The following SNTB1 variants were observed in gnomAD, a reference collection of about 807,000 sequenced individuals.
SNTB1 encodes syntrophin beta 1.
A neutral mutation model predicts 48.9 loss-of-function variants in SNTB1; 36 were observed. That is an observed-to-expected ratio of 0.74 (90% CI 0.56 to 0.97). The LOEUF (loss-of-function observed/expected upper bound fraction) is 0.97. SNTB1 is among the 50% of genes least tolerant of loss of function. SNTB1 has a pLI of 0.00. For missense variants in SNTB1, 786 were observed against 703.4 expected (o/e 1.12, Z -1.33); for synonymous variants, 299 against 294.6 (o/e 1.01, Z -0.15).
chr8:120,559,585 C>A (rs548976132), intron 4 of SNTB1, among the ~76,000 whole-genome samples: 7 of 152,314 alleles, frequency 4.6e-5, no homozygotes, highest in East Asian at 3.9e-4. Flanking sequence ...TCTCTCTCCA[C>A]TGACTACTGA....
chr8:120,616,933 G>A (rs572156823), intron 3 of SNTB1, among the ~76,000 whole-genome samples: 1 of 152,284 alleles, frequency 6.6e-6, no homozygotes, highest in South Asian at 2.1e-4. Flanking sequence ...GCAGAGCGAG[G>A]CCAGCAGCCT....
chr8:120,763,074 T>C (rs2130072009), intron 1 of SNTB1, among the ~76,000 whole-genome samples: 1 of 152,160 alleles, frequency 6.6e-6, no homozygotes, highest in Admixed American at 6.5e-5. Flanking sequence ...CTCTCACCAC[T>C]ATACTGAACT....
intron 1 of SNTB1, among the ~76,000 whole-genome samples, chr8:120,797,521 T>C (rs907439329): frequency 3.4e-5 from 5 of 146,432 alleles, no homozygotes; most frequent in Non-Finnish European, 7.6e-5. Context: ...CCAGTAAATA[T>C]CATTAACCAA....
At chr8:120,639,904 A>G (rs1817159800) in intron 2 of SNTB1, among the ~76,000 whole-genome samples, 1 of 152,100 alleles carries the variant, frequency 6.6e-6, no homozygotes, top group South Asian at 2.1e-4. Flanking sequence ...GTTTTTTTCA[A>G]TTCTGTGAAG....
chr8:120,562,059 C>G (rs1195608747), intron 4 of SNTB1, among the ~76,000 whole-genome samples: 3 of 152,340 alleles, frequency 2.0e-5, no homozygotes, highest in Non-Finnish European at 4.4e-5. Context: ...GTCCTTAGAG[C>G]TCGATTACTG....
chr8:120,708,137 AAG>A (rs1164092658), intron 1 of SNTB1, among the ~76,000 whole-genome samples: 1 of 151,706 alleles, frequency 6.6e-6, no homozygotes, highest in Non-Finnish European at 1.5e-5. Flanking sequence ...TAAAACATAA[AAG>A]AATACTTTTG....
At chr8:120,578,178 C>T (rs1285585179) in intron 3 of SNTB1, among the ~76,000 whole-genome samples, 1 of 151,370 alleles carries the variant, frequency 6.6e-6, no homozygotes, top group Non-Finnish European at 1.5e-5. Flanking sequence ...GGACTACAGG[C>T]GCCCGCCATC....
chr8:120,584,707 A>G (rs1313501808), intron 3 of SNTB1, among the ~76,000 whole-genome samples: 1 of 152,094 alleles, frequency 6.6e-6, no homozygotes, highest in Non-Finnish European at 1.5e-5. Context: ...GTACCTCAGA[A>G]TGTGACCTGA....
chr8:120,683,854 C>A (rs1204850130), intron 2 of SNTB1, among the ~76,000 whole-genome samples: 1 of 152,108 alleles, frequency 6.6e-6, no homozygotes, highest in Non-Finnish European at 1.5e-5. Flanking sequence ...CTACATTTAC[C>A]CCATAGTTAT....
In SNTB1 at chr8:120,579,177, AAAACAAACAAAC is replaced by A. The variant is rs61054676; in HGVS notation, c.997-3964_997-3953del. ...GGGCAACAGAGCGAGACTCTGTCTC[AAAACAAACAAAC>A]AAACAAACAAACAAACAAACAAACA... is the stretch of plus-strand genomic sequence containing the variant. On this transcript the variant is annotated intron_variant, in intron 3 of 6. Transcript: ENST00000517992. Among the ~76,000 whole-genome samples, 223 of 115,588 alleles carry A rather than the reference AAAACAAACAAAC, an allele frequency of 1.9e-3. 1 individual carries two copies. The highest frequency in any genetic ancestry group is 5.2e-3 in the African/African-American group (181 of 34,488). 75.8% of individuals were successfully genotyped at this position (115,588 alleles called of 152,430 possible).
At chr8:120,752,694 G>T (rs1819241500) in intron 1 of SNTB1, among the ~76,000 whole-genome samples, 1 of 149,100 alleles carries the variant, frequency 6.7e-6, no homozygotes, top group Non-Finnish European at 1.5e-5. Flanking sequence ...AAGTTAATTA[G>T]GATATCCTAA....
chr8:120,740,517 ACAAT>A (rs1819024671), intron 1 of SNTB1, among the ~76,000 whole-genome samples: 1 of 152,194 alleles, frequency 6.6e-6, no homozygotes, highest in African/African-American at 2.4e-5. Context: ...GTTACAGCAA[ACAAT>A]CAACACAACC....
At chr8:120,632,322 G>A (rs2130753553) in intron 3 of SNTB1, 122 bp downstream of exon 3, 2 of 952,322 alleles carry the variant, frequency 2.1e-6, no homozygotes, top group Non-Finnish European at 3.2e-6. Flanking sequence ...GGAGAGGAAT[G>A]AGAAATCCAC....
In SNTB1 at chr8:120,632,461, C is replaced by T. The variant is rs1816999236; in HGVS notation, c.979G>A (p.Gly327Ser). The change falls in exon 3 of 7, where the codon GGC becomes AGC. Residue 327 changes from glycine to serine, a missense_variant. Physicochemically the swap from Gly to Ser is moderately conservative, Grantham distance 56. Coordinates refer to ENST00000517992, the MANE Select transcript of SNTB1 (RefSeq NM_021021.4). Reference protein sequence around the residue: ...IAGSREIRHLGWLAEKVPGES... With the variant: ...IAGSREIRHLSWLAEKVPGES... ...TTCCTTACCTTTTCTGCAAGCCAGC[C>T]AAGATGCCTAATCTCTCGGCTCCCA... 6.2e-7 allele frequency: 1 copy of T among 1,613,958 alleles called. No homozygotes were observed. The highest frequency in any genetic ancestry group is 1.7e-5 in the Admixed American group (1 of 60,002).
intron 4 of SNTB1, among the ~76,000 whole-genome samples, chr8:120,556,755 T>C (rs78949210): frequency 0.023 from 3,442 of 152,266 alleles, 152 homozygotes; most frequent in African/African-American, 0.075. Flanking sequence ...GTGGAATAAT[T>C]CAATTTATAA....
At chr8:120,764,612 C>T (rs991721525) in intron 1 of SNTB1, among the ~76,000 whole-genome samples, 2 of 152,096 alleles carry the variant, frequency 1.3e-5, no homozygotes, top group Non-Finnish European at 2.9e-5. Flanking sequence ...TCAGTAATCC[C>T]TAGCCATTTT....
chr8:120,775,548 A>G (rs1318871271), intron 1 of SNTB1: 1 of 152,124 alleles, frequency 6.6e-6, no homozygotes, highest in Non-Finnish European at 1.5e-5. Flanking sequence ...ACCAGGATGC[A>G]CTCAATTTAA....
At chr8:120,711,981 C>A (rs1818470718) in intron 1 of SNTB1, among the ~76,000 whole-genome samples, 1 of 152,166 alleles carries the variant, frequency 6.6e-6, no homozygotes, top group South Asian at 2.1e-4. Flanking sequence ...ATTCTAATTA[C>A]TTCCAAGAAA....
At chr8:120,707,135 C>T (rs1321010247) in intron 1 of SNTB1, among the ~76,000 whole-genome samples, 1 of 152,088 alleles carries the variant, frequency 6.6e-6, no homozygotes, top group Non-Finnish European at 1.5e-5. Flanking sequence ...TTATTGTCAC[C>T]CTCATCTGAA....
Sources: gnomAD v4.1 joint callset for allele counts (sites outside exome capture counted in the v4.1 genomes callset) on GRCh38, gnomAD v4.1.1 for gene constraint, MANE v1.5 for transcripts, NCBI Gene and HGNC (gene_info 2026-07-23, HGNC 2026-07-21) for gene names.